EBF1: variants seen among roughly 807,000 people sequenced by gnomAD.
The protein encoded by EBF1 is EBF transcription factor 1, also known as transcription factor COE1.
Under a neutral mutation model 68.4 loss-of-function variants are expected in EBF1, and 10 were observed. The observed-to-expected ratio is 0.15, with a 90% CI of 0.09 to 0.25. EBF1 has a LOEUF of 0.25. Among genes scored for constraint, EBF1 ranks in the 10% least tolerant of loss-of-function variants. EBF1 has a pLI of 1.00. For synonymous variants in EBF1, 298 were observed against 299.8 expected (o/e 0.99, Z 0.06); for missense variants, 509 against 794.4 (o/e 0.64, Z 4.32).
intron 6 of EBF1, among the ~76,000 whole-genome samples, chr5:158,856,503 T>C (rs968767352): frequency 1.3e-5 from 2 of 152,244 alleles, no homozygotes; most frequent in African/African-American, 2.4e-5. Context: ...AGAATACCAA[T>C]TTCCTTTGAT....
intron 6 of EBF1, among the ~76,000 whole-genome samples, chr5:158,985,152 A>C (rs574263436): frequency 1.8e-4 from 28 of 152,228 alleles, no homozygotes; most frequent in Non-Finnish European, 3.2e-4. Context: ...CAGATGATAT[A>C]AAGATATGGC....
At chr5:158,723,017 T>A (rs891714519) in intron 11 of EBF1, among the ~76,000 whole-genome samples, 2 of 152,140 alleles carry the variant, frequency 1.3e-5, no homozygotes, top group Admixed American at 1.3e-4. Flanking sequence ...GTCCTCCCCA[T>A]CAAGAACTCA....
Position 158,697,083 on chromosome 5 carries a change from T to A in EBF1, c.*2028A>T, listed in dbSNP as rs1356386882. 5.3e-6 allele frequency: 1 copy of A among 189,298 alleles called. No homozygotes were observed. The highest frequency in any genetic ancestry group is 1.1e-5 in the Non-Finnish European group (1 of 90,100). The allele number at this position is 189,298 out of a possible 1,614,324, so 11.7% of individuals were successfully genotyped here. ...ATACAAGCAGACTTAAGAAAGAAAG[T>A]ATGTTCATTGATTTCTATGAAGTTT... On this transcript the variant is annotated 3_prime_UTR_variant, in exon 16 of 16. Coordinates refer to ENST00000313708, the MANE Select transcript of EBF1 (RefSeq NM_024007.5).
chr5:158,811,671 C>A (rs1782699658), intron 8 of EBF1, among the ~76,000 whole-genome samples: 1 of 152,186 alleles, frequency 6.6e-6, no homozygotes, highest in African/African-American at 2.4e-5. Flanking sequence ...CATGATCACC[C>A]AAAACACTGC....
intron 6 of EBF1, among the ~76,000 whole-genome samples, chr5:159,028,267 A>T (rs1457077153): frequency 3.9e-5 from 6 of 152,200 alleles, no homozygotes; most frequent in African/African-American, 1.4e-4. Context: ...GAGAGAGGAT[A>T]TTCCCTCATT....
At chr5:158,932,983 C>T (rs971000976) in intron 6 of EBF1, among the ~76,000 whole-genome samples, 3 of 152,182 alleles carry the variant, frequency 2.0e-5, no homozygotes, top group African/African-American at 7.2e-5. Flanking sequence ...GAGTGATAGA[C>T]ACCCTGGTCT....
chr5:158,757,650 C>T (rs148103002), intron 10 of EBF1, among the ~76,000 whole-genome samples: 11 of 152,294 alleles, frequency 7.2e-5, no homozygotes, highest in African/African-American at 2.4e-4. Context: ...GTGTAAAAGT[C>T]CTGCCTTTGC....
intron 8 of EBF1, among the ~76,000 whole-genome samples, chr5:158,815,788 C>T (rs1220722374): frequency 6.6e-6 from 1 of 152,154 alleles, no homozygotes; most frequent in Non-Finnish European, 1.5e-5. Flanking sequence ...AGGGAATACA[C>T]TGGAAATCAG....
chr5:159,022,328 G>T (rs973680519), intron 6 of EBF1, among the ~76,000 whole-genome samples: 1 of 152,204 alleles, frequency 6.6e-6, no homozygotes, highest in Non-Finnish European at 1.5e-5. Context: ...TGTGTCTGCC[G>T]CTTCCCACAG....
chr5:159,041,422 A>T (rs1044202120), intron 6 of EBF1, among the ~76,000 whole-genome samples: 4 of 152,174 alleles, frequency 2.6e-5, no homozygotes, highest in African/African-American at 9.7e-5. Flanking sequence ...TCTTACGTTT[A>T]AAAAAATAAA....
intron 4 of EBF1, 53 bp downstream of exon 4, chr5:159,095,567 G>T: frequency 3.1e-6 from 5 of 1,602,290 alleles, no homozygotes; most frequent in Non-Finnish European, 4.3e-6. Flanking sequence ...CTTCTTGACT[G>T]CCCTGAATTT....
At chr5:159,074,169 G>A (rs1778315335) in intron 5 of EBF1, among the ~76,000 whole-genome samples, 2 of 152,172 alleles carry the variant, frequency 1.3e-5, no homozygotes. Context: ...GGTTAGCACA[G>A]CTCTGTGAGA....
At chr5:158,795,307 G>C (rs1779415549) in intron 9 of EBF1, among the ~76,000 whole-genome samples, 1 of 152,178 alleles carries the variant, frequency 6.6e-6, no homozygotes, top group African/African-American at 2.4e-5. Flanking sequence ...GCTTTGGGCA[G>C]CTGCTCTCTG....
intron 6 of EBF1, among the ~76,000 whole-genome samples, chr5:158,928,061 C>A (rs570900054): frequency 6.6e-6 from 1 of 152,330 alleles, no homozygotes; most frequent in East Asian, 1.9e-4. Flanking sequence ...TATCTCCAGC[C>A]AGAGGCCTCT....
intron 6 of EBF1, among the ~76,000 whole-genome samples, chr5:159,005,571 T>A (rs970769580): frequency 6.6e-6 from 1 of 152,228 alleles, no homozygotes; most frequent in Non-Finnish European, 1.5e-5. Flanking sequence ...ATTTCTTTCC[T>A]GTACATTTAT....
At chr5:159,079,159 C>A (rs1779308311) in intron 5 of EBF1, among the ~76,000 whole-genome samples, 1 of 152,110 alleles carries the variant, frequency 6.6e-6, no homozygotes, top group Non-Finnish European at 1.5e-5. Flanking sequence ...TCTCTTCCTC[C>A]CATGTCTTAA....
At chr5:159,041,253 G>A (rs1184340987) in intron 6 of EBF1, among the ~76,000 whole-genome samples, 1 of 152,170 alleles carries the variant, frequency 6.6e-6, no homozygotes, top group Non-Finnish European at 1.5e-5. Flanking sequence ...ACACTGCATG[G>A]AAAAGGCAAA....
intron 10 of EBF1, among the ~76,000 whole-genome samples, chr5:158,774,143 T>C (rs1450382486): frequency 6.6e-6 from 1 of 152,140 alleles, no homozygotes; most frequent in Non-Finnish European, 1.5e-5. Context: ...TGACTCTGAT[T>C]GGACAAACAC....
At chr5:159,022,158 C>T (rs1444059300) in intron 6 of EBF1, among the ~76,000 whole-genome samples, 4 of 151,012 alleles carry the variant, frequency 2.6e-5, no homozygotes, top group African/African-American at 9.7e-5. Flanking sequence ...TTCTTTGCAA[C>T]AAGCACTGTT....
Sources: allele counts gnomAD v4.1 joint callset (sites outside exome capture counted in the v4.1 genomes callset), GRCh38; gene constraint gnomAD v4.1.1; transcripts MANE v1.5; gene names NCBI Gene and HGNC (gene_info 2026-07-23, HGNC 2026-07-21).